The following TACR1 variants were observed in gnomAD, a reference collection of about 807,000 sequenced individuals.
TACR1 encodes the protein substance-P receptor.
TACR1 carries 25 observed loss-of-function variants against 35.8 expected under a neutral mutation model. The observed-to-expected ratio is 0.70, with a 90% CI of 0.51 to 0.98. The LOEUF (loss-of-function observed/expected upper bound fraction) is 0.98. TACR1 is among the 50% of genes least tolerant of loss of function. TACR1 has a pLI of 0.00. For synonymous variants in TACR1, 195 were observed against 206.7 expected (o/e 0.94, Z 0.48); for missense variants, 478 against 522.9 (o/e 0.91, Z 0.84).
chr2:75,160,302 G>T (rs1338117961), intron 1 of TACR1, among the ~76,000 whole-genome samples: 1 of 151,596 alleles, frequency 6.6e-6, no homozygotes, highest in Non-Finnish European at 1.5e-5. Context: ...TAAAAGGAGG[G>T]GAACATAATG....
chr2:75,116,351 G>A (rs1053991011), intron 2 of TACR1, among the ~76,000 whole-genome samples: 2 of 152,040 alleles, frequency 1.3e-5, no homozygotes, highest in African/African-American at 2.4e-5. Context: ...CTACCTGCCT[G>A]GGCCTCCCAA....
intron 2 of TACR1, among the ~76,000 whole-genome samples, chr2:75,078,283 GTT>G (rs71939246): frequency 8.3e-5 from 12 of 144,782 alleles, no homozygotes; most frequent in African/African-American, 3.0e-4. Flanking sequence ...AGTTTTGCAT[GTT>G]TTTTTTTTTT....
intron 1 of TACR1, among the ~76,000 whole-genome samples, chr2:75,185,758 T>TGGC (rs1675678168): frequency 6.6e-6 from 1 of 152,180 alleles, no homozygotes; most frequent in Non-Finnish European, 1.5e-5. Context: ...TTCTGAAGAG[T>TGGC]GGCTTAACAG....
At chr2:75,153,470 T>A (rs1286097946) in intron 1 of TACR1, among the ~76,000 whole-genome samples, 1 of 152,230 alleles carries the variant, frequency 6.6e-6, no homozygotes, top group Non-Finnish European at 1.5e-5. Context: ...AATGTCAATA[T>A]TGACTGACTG....
intron 1 of TACR1, among the ~76,000 whole-genome samples, chr2:75,183,882 G>A (rs774572692): frequency 2.6e-5 from 4 of 152,160 alleles, no homozygotes; most frequent in Non-Finnish European, 5.9e-5. Context: ...CTGTGCTACT[G>A]CATGATGAGT....
chr2:75,153,589 A>G (rs1188514594), intron 1 of TACR1, among the ~76,000 whole-genome samples: 5 of 152,298 alleles, frequency 3.3e-5, no homozygotes, highest in East Asian at 1.9e-4. Flanking sequence ...TAGGATCAGG[A>G]AAAAAACCCA....
intron 2 of TACR1, among the ~76,000 whole-genome samples, chr2:75,114,095 A>G (rs1424483897): frequency 2.0e-5 from 3 of 152,230 alleles, no homozygotes; most frequent in African/African-American, 7.2e-5. Flanking sequence ...TGGTACCTGT[A>G]GAGAATTATA....
chr2:75,196,652 T>G (rs1041694436), intron 1 of TACR1, among the ~76,000 whole-genome samples: 12 of 152,122 alleles, frequency 7.9e-5, no homozygotes, highest in South Asian at 2.1e-4. Flanking sequence ...ACTCTGACTC[T>G]CATCCCCACC....
chr2:75,073,529 C>T (rs1257760139), intron 2 of TACR1, among the ~76,000 whole-genome samples: 1 of 152,062 alleles, frequency 6.6e-6, no homozygotes, highest in Non-Finnish European at 1.5e-5. Context: ...CTAAGTGGCA[C>T]CAAGGCCAAA....
At chr2:75,109,375 C>G (rs1323782529) in intron 2 of TACR1, among the ~76,000 whole-genome samples, 4 of 152,132 alleles carry the variant, frequency 2.6e-5, no homozygotes, top group Non-Finnish European at 4.4e-5. Context: ...ACACGTACTC[C>G]TTTTTAAATC....
chr2:75,151,223 G>A (rs189148623), intron 1 of TACR1, among the ~76,000 whole-genome samples: 2 of 152,368 alleles, frequency 1.3e-5, no homozygotes, highest in Non-Finnish European at 2.9e-5. Flanking sequence ...GTAGCAGGGA[G>A]CCTAATGTTA....
At chr2:75,115,222 A>T (rs1167926290) in intron 2 of TACR1, among the ~76,000 whole-genome samples, 1 of 151,996 alleles carries the variant, frequency 6.6e-6, no homozygotes, top group Non-Finnish European at 1.5e-5. Flanking sequence ...ATGACTATTA[A>T]ATTATAAAAA....
chr2:75,152,265 C>T (rs1674689993), intron 1 of TACR1, among the ~76,000 whole-genome samples: 1 of 152,108 alleles, frequency 6.6e-6, no homozygotes, highest in African/African-American at 2.4e-5. Context: ...TGGCTGTTTC[C>T]CTACCCAAAC....
At chr2:75,165,748 T>C (rs1423165003) in intron 1 of TACR1, among the ~76,000 whole-genome samples, 1 of 152,178 alleles carries the variant, frequency 6.6e-6, no homozygotes, top group East Asian at 1.9e-4. Context: ...GGCAAATCCT[T>C]TAGCTTCAGG....
At chr2:75,104,300 A>G (rs958373651) in intron 2 of TACR1, among the ~76,000 whole-genome samples, 4 of 152,084 alleles carry the variant, frequency 2.6e-5, no homozygotes, top group Non-Finnish European at 5.9e-5. Context: ...AAAGAGGAAA[A>G]TAATATAATT....
At chr2:75,054,340 T>C (rs568080759) in intron 2 of TACR1, among the ~76,000 whole-genome samples, 4 of 152,308 alleles carry the variant, frequency 2.6e-5, no homozygotes, top group African/African-American at 9.6e-5. Context: ...ATAATTAGCC[T>C]GAATGAGAGA....
intron 2 of TACR1, among the ~76,000 whole-genome samples, chr2:75,102,597 G>T (rs1381019191): frequency 1.3e-5 from 2 of 151,866 alleles, no homozygotes; most frequent in African/African-American, 4.8e-5. Flanking sequence ...GTACATATTA[G>T]GTTATCCACA....
intron 2 of TACR1, among the ~76,000 whole-genome samples, chr2:75,061,730 A>G (rs904591307): frequency 1.1e-4 from 17 of 152,144 alleles, no homozygotes; most frequent in African/African-American, 3.6e-4. Context: ...ACTTAAATTC[A>G]TGGAAGAACT....
At chr2:75,147,156 TTAAA>T (rs1246429324) in intron 1 of TACR1, among the ~76,000 whole-genome samples, 1 of 152,224 alleles carries the variant, frequency 6.6e-6, no homozygotes, top group Admixed American at 6.5e-5. Context: ...ATGCCAGCAC[TTAAA>T]TAAACACCAT....
Sources: gnomAD v4.1 joint callset for allele counts (sites outside exome capture counted in the v4.1 genomes callset) on GRCh38, gnomAD v4.1.1 for gene constraint, MANE v1.5 for transcripts, NCBI Gene and HGNC (gene_info 2026-07-23, HGNC 2026-07-21) for gene names.